RGS6: variants seen among roughly 807,000 people sequenced by gnomAD.
The protein encoded by RGS6 is regulator of G-protein signaling 6.
RGS6 carries 30 observed loss-of-function variants against 78.5 expected under a neutral mutation model. The ratio of observed to expected loss-of-function variants is 0.38; its 90% CI spans 0.29 to 0.52. The LOEUF is 0.52. Ranked by LOEUF, RGS6 falls within the 20% of genes least tolerant of loss-of-function variation. The pLI is 0.85. For missense variants in RGS6, 495 were observed against 609.7 expected, an observed-to-expected ratio of 0.81 and a Z score of 1.98; for synonymous variants, 206 against 206.0, an observed-to-expected ratio of 1.00 and a Z score of 0.00.
chr14:72,442,972 T>G (rs958351057), intron 3 of RGS6, among the ~76,000 whole-genome samples: 2 of 152,214 alleles, frequency 1.3e-5, no homozygotes, highest in Non-Finnish European at 2.9e-5. Flanking sequence ...TCTATTTGAT[T>G]GAAAACAGAG....
intron 14 of RGS6, among the ~76,000 whole-genome samples, chr14:72,513,436 G>C (rs1453532883): frequency 6.6e-6 from 1 of 152,176 alleles, no homozygotes; most frequent in East Asian, 1.9e-4. Flanking sequence ...AGCGCATTTT[G>C]CTGAAGCTGT....
At chr14:72,042,290 G>A (rs2092484037) in intron 2 of RGS6, among the ~76,000 whole-genome samples, 1 of 151,826 alleles carries the variant, frequency 6.6e-6, no homozygotes, top group African/African-American at 2.4e-5. Context: ...ACCATGCCTG[G>A]CTAATTTTTT....
intron 13 of RGS6, among the ~76,000 whole-genome samples, chr14:72,500,906 T>A (rs1211994448): frequency 6.6e-6 from 1 of 152,146 alleles, no homozygotes; most frequent in Non-Finnish European, 1.5e-5. Flanking sequence ...ATGTCTAGTA[T>A]GTGCTTTTTT....
chr14:72,218,248 T>C (rs2046045999), intron 2 of RGS6, among the ~76,000 whole-genome samples: 1 of 152,158 alleles, frequency 6.6e-6, no homozygotes, highest in Admixed American at 6.6e-5. Flanking sequence ...ATTCTATTAG[T>C]ATTATAATAT....
chr14:72,147,935 T>A (rs539831423), intron 2 of RGS6, among the ~76,000 whole-genome samples: 1 of 151,898 alleles, frequency 6.6e-6, no homozygotes, highest in African/African-American at 2.4e-5. Context: ...ATTGAGACCA[T>A]CCTGGCTAAC....
At chr14:72,163,220 A>G in intron 2 of RGS6, among the ~76,000 whole-genome samples, 1 of 152,298 alleles carries the variant, frequency 6.6e-6, no homozygotes, top group East Asian at 1.9e-4. Flanking sequence ...AAAAATAATA[A>G]AAATAAAATA....
At chr14:71,925,238 C>A in the RGS6 span, among the ~76,000 whole-genome samples, 2 of 152,094 alleles carry the variant, frequency 1.3e-5, no homozygotes, top group Admixed American at 6.5e-5. Flanking sequence ...TATTCAAGTT[C>A]TTTGCTCATT....
At chr14:72,446,168 C>T (rs1888894814) in intron 3 of RGS6, among the ~76,000 whole-genome samples, 1 of 152,094 alleles carries the variant, frequency 6.6e-6, no homozygotes, top group Non-Finnish European at 1.5e-5. Flanking sequence ...TCGGGAGAGG[C>T]CTGGGACAGA....
intron 2 of RGS6, among the ~76,000 whole-genome samples, chr14:72,158,904 T>G (rs898091228): frequency 1.3e-5 from 2 of 152,224 alleles, no homozygotes; most frequent in African/African-American, 4.8e-5. Flanking sequence ...ACCCTTTTCT[T>G]TCTGTGTGGC....
At chr14:72,129,202 A>G (rs77022956) in intron 2 of RGS6, among the ~76,000 whole-genome samples, 2,125 of 152,296 alleles carry the variant, frequency 0.014, 24 homozygotes, top group Non-Finnish European at 0.021. Flanking sequence ...GACACTAAAG[A>G]AGGCAATACT....
intron 2 of RGS6, among the ~76,000 whole-genome samples, chr14:72,087,021 A>C (rs187030711): frequency 3.8e-4 from 58 of 152,346 alleles, no homozygotes; most frequent in African/African-American, 1.3e-3. Context: ...ATGTGTTCTT[A>C]GGACCATAAT....
At chr14:72,216,798 T>C (rs2045675698) in intron 2 of RGS6, among the ~76,000 whole-genome samples, 1 of 152,170 alleles carries the variant, frequency 6.6e-6, no homozygotes, top group Non-Finnish European at 1.5e-5. Context: ...CTCTCTGCTT[T>C]CCCCTATGCC....
intron 2 of RGS6, among the ~76,000 whole-genome samples, chr14:72,145,158 C>T (rs932030679): frequency 4.6e-5 from 7 of 152,088 alleles, no homozygotes; most frequent in Non-Finnish European, 1.0e-4. Context: ...TTAGGTTTTA[C>T]AATAGTGATG....
Position 72,525,241 on chromosome 14 carries a change from T to C in RGS6, c.1278+6704T>C, listed in dbSNP as rs551069758. On this transcript the variant is annotated intron_variant, in intron 15 of 17. Coordinates refer to ENST00000553525, the MANE Select transcript of RGS6 (RefSeq NM_001204424.2). ...AACCTTGGGGAGTACACCTAGTAGA[T>C]AGTCAAGAAAAGCAGGTTAAATTAA... Among the ~76,000 whole-genome samples, 41 of 152,312 alleles carry C rather than the reference T, an allele frequency of 2.7e-4. 1 individual carries two copies. Among genetic ancestry groups the C allele is most frequent in the Admixed American group, 4.6e-4 (7 of 15,300 alleles).
intron 2 of RGS6, among the ~76,000 whole-genome samples, chr14:72,175,959 T>C (rs1366389394): frequency 6.6e-6 from 1 of 152,088 alleles, no homozygotes; most frequent in African/African-American, 2.4e-5. Context: ...CACCAAGAGA[T>C]CCCCTACCTT....
intron 2 of RGS6, among the ~76,000 whole-genome samples, chr14:72,237,566 A>G (rs1355450640): frequency 2.6e-5 from 4 of 152,208 alleles, no homozygotes; most frequent in South Asian, 2.1e-4. Flanking sequence ...GAGACATTAC[A>G]TAATCGCTAA....
intron 2 of RGS6, among the ~76,000 whole-genome samples, chr14:72,337,032 C>T (rs2076154542): frequency 6.6e-6 from 1 of 152,280 alleles, no homozygotes; most frequent in Middle Eastern, 3.4e-3. Context: ...TTCTGAGGTA[C>T]TGAAAGTTAG....
At chr14:71,984,443 G>GAGA (rs1041966961) in intron 2 of RGS6, among the ~76,000 whole-genome samples, 1 of 138,368 alleles carries the variant, frequency 7.2e-6, no homozygotes, top group Non-Finnish European at 1.5e-5. Context: ...CCAGGAGTTT[G>GAGA]AGACCAGCCC....
At chr14:72,546,106 G>T (rs1369046992) in intron 17 of RGS6, among the ~76,000 whole-genome samples, 1 of 152,186 alleles carries the variant, frequency 6.6e-6, no homozygotes, top group African/African-American at 2.4e-5. Flanking sequence ...AGGGAACCCT[G>T]GGCCAGCTTG....
Sources: allele counts gnomAD v4.1 joint callset (sites outside exome capture counted in the v4.1 genomes callset), GRCh38; gene constraint gnomAD v4.1.1; transcripts MANE v1.5; gene names NCBI Gene and HGNC (gene_info 2026-07-23, HGNC 2026-07-21).